THSD4: variants seen among roughly 807,000 people sequenced by gnomAD.
THSD4 encodes the protein thrombospondin type-1 domain-containing protein 4.
THSD4 carries 69 observed loss-of-function variants against 119.0 expected under a neutral mutation model. That is an observed-to-expected ratio of 0.58 (90% CI 0.48 to 0.71). The LOEUF is 0.71. Among genes scored for constraint, THSD4 ranks in the 30% least tolerant of loss-of-function variants. The pLI is 0.00. For missense variants in THSD4, 1,393 were observed against 1,391.1 expected (o/e 1.00, Z -0.02); for synonymous variants, 524 against 540.4 (o/e 0.97, Z 0.42).
At chr15:71,770,676 G>T (rs2053806541) in intron 16 of THSD4, among the ~76,000 whole-genome samples, 1 of 152,100 alleles carries the variant, frequency 6.6e-6, no homozygotes, top group Non-Finnish European at 1.5e-5. Flanking sequence ...AAATCTATAG[G>T]ATTCGCAAGA....
chr15:71,719,156 C>T (rs149212383), intron 8 of THSD4, among the ~76,000 whole-genome samples: 1 of 152,196 alleles, frequency 6.6e-6, no homozygotes, highest in African/African-American at 2.4e-5. Context: ...ATTAGACATA[C>T]TTTGCTATAA....
chr15:71,285,581 T>C lies in THSD4; in HGVS notation c.1015+28866T>C, dbSNP rs188990927. ...TCTCTTTTATTAAAAAACAGCCGGG[T>C]GTGGTGGCTCATGCCTGTAATCCCA... is the stretch of plus-strand genomic sequence containing the variant. On this transcript the variant is annotated intron_variant, in intron 6 of 17. Transcript: ENST00000261862. Among the ~76,000 whole-genome samples, 617 of 152,070 alleles carry C rather than the reference T, an allele frequency of 4.1e-3. 2 individuals carry two copies. The highest frequency in any genetic ancestry group is 0.014 in the African/African-American group (596 of 41,506).
At chr15:71,204,031 G>C (rs955727823) in intron 3 of THSD4, among the ~76,000 whole-genome samples, 3 of 152,088 alleles carry the variant, frequency 2.0e-5, no homozygotes, top group Non-Finnish European at 4.4e-5. Flanking sequence ...TATTTTGACT[G>C]TCCTGGTTGG....
intron 6 of THSD4, among the ~76,000 whole-genome samples, chr15:71,405,993 C>A (rs1279679379): frequency 6.6e-6 from 1 of 152,054 alleles, no homozygotes. Context: ...CACTATGTTG[C>A]CCATGCTGGT....
intron 4 of THSD4, among the ~76,000 whole-genome samples, chr15:71,239,420 A>T (rs2044133236): frequency 6.6e-6 from 1 of 152,150 alleles, no homozygotes; most frequent in African/African-American, 2.4e-5. Context: ...TGGGTAACTT[A>T]CCCAAAGTTT....
chr15:71,459,380 G>GTC (rs141034841), intron 7 of THSD4, among the ~76,000 whole-genome samples: 59,499 of 137,342 alleles, frequency 0.43, 14,044 homozygotes, highest in East Asian at 0.55. Context: ...CTGTCTCTCT[G>GTC]TCTCTCTCTC....
intron 6 of THSD4, among the ~76,000 whole-genome samples, chr15:71,386,009 T>A (rs1159807088): frequency 6.6e-6 from 1 of 152,196 alleles, no homozygotes; most frequent in Non-Finnish European, 1.5e-5. Flanking sequence ...GATGCTTAAG[T>A]AGCTAGCGGA....
chr15:71,284,740 T>C (rs1035254612), intron 6 of THSD4, among the ~76,000 whole-genome samples: 1 of 152,212 alleles, frequency 6.6e-6, no homozygotes, highest in Non-Finnish European at 1.5e-5. Context: ...AGAAAAAAGT[T>C]TCCTAAATAA....
At chr15:71,190,995 C>T (rs1440032858) in intron 3 of THSD4, among the ~76,000 whole-genome samples, 1 of 152,208 alleles carries the variant, frequency 6.6e-6, no homozygotes, top group African/African-American at 2.4e-5. Context: ...GTCACCAACA[C>T]ACCCTAAACA....
intron 7 of THSD4, among the ~76,000 whole-genome samples, chr15:71,452,574 G>A (rs1173608334): frequency 6.6e-6 from 1 of 151,666 alleles, no homozygotes; most frequent in Non-Finnish European, 1.5e-5. Context: ...CCAAGGTGAT[G>A]GTATTTGGAG....
chr15:71,727,585 T>TACAC (rs1384238731), intron 8 of THSD4, among the ~76,000 whole-genome samples: 3 of 6,462 alleles, frequency 4.6e-4, no homozygotes, highest in African/African-American at 7.8e-4. Flanking sequence ...TATATATATA[T>TACAC]ATACACACAC....
intron 7 of THSD4, among the ~76,000 whole-genome samples, chr15:71,497,325 C>CA (rs1458534450): frequency 1.3e-5 from 2 of 152,032 alleles, no homozygotes; most frequent in African/African-American, 4.8e-5. Context: ...CCAGCCTGGC[C>CA]AATGTGGCAA....
At chr15:71,246,783 G>A (rs1345888910) in intron 5 of THSD4, among the ~76,000 whole-genome samples, 3 of 151,732 alleles carry the variant, frequency 2.0e-5, no homozygotes, top group African/African-American at 4.8e-5. Flanking sequence ...AGTACAGATA[G>A]AGAATCTATG....
chr15:71,629,412 C>G (rs1347889077), intron 7 of THSD4, among the ~76,000 whole-genome samples: 1 of 152,174 alleles, frequency 6.6e-6, no homozygotes, highest in Non-Finnish European at 1.5e-5. Context: ...GTGGACCCTG[C>G]TTCAAGACAG....
intron 7 of THSD4, among the ~76,000 whole-genome samples, chr15:71,574,871 C>A (rs575366046): frequency 6.6e-6 from 1 of 152,126 alleles, no homozygotes; most frequent in African/African-American, 2.4e-5. Flanking sequence ...GAAACTGTTA[C>A]AATCTAGTCC....
intron 7 of THSD4, among the ~76,000 whole-genome samples, chr15:71,432,599 G>A (rs780031956): frequency 1.4e-5 from 2 of 146,012 alleles, no homozygotes; most frequent in Non-Finnish European, 3.0e-5. Context: ...AATCTTGCTT[G>A]CAAGAGACAA....
chr15:71,592,164 A>G (rs2049820005), intron 7 of THSD4, among the ~76,000 whole-genome samples: 1 of 152,234 alleles, frequency 6.6e-6, no homozygotes, highest in Admixed American at 6.5e-5. Flanking sequence ...AGAAAAGTAC[A>G]CACATTTCTA....
intron 11 of THSD4, among the ~76,000 whole-genome samples, chr15:71,742,480 C>A (rs1462244349): frequency 6.6e-6 from 1 of 152,228 alleles, no homozygotes; most frequent in Non-Finnish European, 1.5e-5. Flanking sequence ...CATTTATTAT[C>A]TGCTAATTAC....
At chr15:71,158,481 G>A (rs28885495) in intron 3 of THSD4, among the ~76,000 whole-genome samples, 8,668 of 152,090 alleles carry the variant, frequency 0.057, 370 homozygotes, top group African/African-American at 0.13. Context: ...TCATTTTGAT[G>A]ATAGCTGTTC....
Sources: gnomAD v4.1 joint callset for allele counts (sites outside exome capture counted in the v4.1 genomes callset) on GRCh38, gnomAD v4.1.1 for gene constraint, MANE v1.5 for transcripts, NCBI Gene and HGNC (gene_info 2026-07-23, HGNC 2026-07-21) for gene names.